Variants in MYO1D observed in about 807,000 individuals in gnomAD.
MYO1D encodes myosin ID, also known as unconventional myosin-Id.
A neutral mutation model predicts 122.0 loss-of-function variants in MYO1D; 83 were observed. That is an observed-to-expected ratio of 0.68 (90% CI 0.57 to 0.82). MYO1D has a LOEUF of 0.82. MYO1D is among the 40% of genes least tolerant of loss of function. The pLI is 0.00. For missense variants in MYO1D, 1,157 were observed against 1,269.5 expected (o/e 0.91, Z 1.35); for synonymous variants, 464 against 446.9 (o/e 1.04, Z -0.48).
At chr17:32,662,410 C>T (rs114626739) in intron 16 of MYO1D, among the ~76,000 whole-genome samples, 1,599 of 152,286 alleles carry the variant, frequency 0.011, 19 homozygotes, top group African/African-American at 0.036. Flanking sequence ...CGGTGGCTCA[C>T]GCCTGTAATC....
intron 10 of MYO1D, chr17:32,756,217 T>C (rs997451758): frequency 4.4e-6 from 1 of 227,722 alleles, no homozygotes; most frequent in East Asian, 6.3e-5. Context: ...CTTTAAATAC[T>C]GTTAATGTGT....
At chr17:32,742,898 G>GAT (rs1343148210) in intron 13 of MYO1D, among the ~76,000 whole-genome samples, 1 of 152,172 alleles carries the variant, frequency 6.6e-6, no homozygotes, top group Non-Finnish European at 1.5e-5. Context: ...ACATCAATGA[G>GAT]ATATTTGTCT....
intron 21 of MYO1D, among the ~76,000 whole-genome samples, chr17:32,540,755 G>A (rs529470798): frequency 1.3e-5 from 2 of 151,768 alleles, no homozygotes; most frequent in African/African-American, 2.4e-5. Flanking sequence ...GTGAAACCCC[G>A]TCTCTACTAA....
chr17:32,725,331 C>G (rs975575489), intron 14 of MYO1D, among the ~76,000 whole-genome samples: 4 of 151,908 alleles, frequency 2.6e-5, no homozygotes, highest in African/African-American at 9.7e-5. Flanking sequence ...CCAGCCTGGC[C>G]AACATGGTGA....
intron 20 of MYO1D, among the ~76,000 whole-genome samples, chr17:32,630,910 T>C (rs750919649): frequency 7.2e-5 from 11 of 152,156 alleles, no homozygotes; most frequent in Non-Finnish European, 1.0e-4. Flanking sequence ...CTCCTTGCCT[T>C]GTAGATGGCT....
At chr17:32,784,356 C>T (rs2090271002) in intron 1 of MYO1D, among the ~76,000 whole-genome samples, 1 of 152,174 alleles carries the variant, frequency 6.6e-6, no homozygotes, top group African/African-American at 2.4e-5. Flanking sequence ...ATTCCCTCTC[C>T]TTCTCCAAAA....
At chr17:32,554,184 A>AGTCCCT (rs71276420) in intron 21 of MYO1D, among the ~76,000 whole-genome samples, 2,805 of 152,210 alleles carry the variant, frequency 0.018, 37 homozygotes, top group East Asian at 0.035. Flanking sequence ...CTGAGCTGAG[A>AGTCCCT]GTCCCTGCCC....
At chr17:32,629,002 A>ACT (rs2087965747) in intron 20 of MYO1D, among the ~76,000 whole-genome samples, 1 of 152,248 alleles carries the variant, frequency 6.6e-6, no homozygotes, top group Non-Finnish European at 1.5e-5. Flanking sequence ...GGAGAAACAA[A>ACT]TTACGGCACC....
chr17:32,687,006 C>CACACACACACACA, intron 16 of MYO1D, among the ~76,000 whole-genome samples: 1 of 141,768 alleles, frequency 7.1e-6, no homozygotes, highest in African/African-American at 2.6e-5. Context: ...CACACACACA[C>CACACACACACACA]CAAAAAACAA....
At chr17:32,551,790 G>A (rs996141167) in intron 21 of MYO1D, among the ~76,000 whole-genome samples, 2 of 152,266 alleles carry the variant, frequency 1.3e-5, no homozygotes, top group Middle Eastern at 3.4e-3. Flanking sequence ...CAGGAACACC[G>A]TCTATATCTT....
rs761527400 is a variant in MYO1D, at chr17:32,494,712, C to T, written c.*47G>A. On this transcript the variant is annotated 3_prime_UTR_variant, in exon 22 of 22. Coordinates refer to ENST00000318217, the MANE Select transcript of MYO1D (RefSeq NM_015194.3). The stretch of plus-strand genomic sequence containing the variant: ...GGGAGGCAGCAGCTGGACTGGGACC[C>T]AGGACTCGGAGTGTGGCCGGGCTCC... The T allele has an allele frequency of 8.5e-6, 13 of 1,532,534 alleles. No homozygotes were observed. Among genetic ancestry groups the T allele is most frequent in the Non-Finnish European group, 1.1e-5 (13 of 1,141,018 alleles). The allele number at this position is 1,532,534 out of a possible 1,614,324, so 94.9% of individuals were successfully genotyped here.
At chr17:32,522,777 C>A (rs1240422266) in intron 21 of MYO1D, among the ~76,000 whole-genome samples, 5 of 150,638 alleles carry the variant, frequency 3.3e-5, no homozygotes, top group African/African-American at 1.2e-4. Context: ...TTAGGAGCAT[C>A]ATGTGGCTGT....
intron 21 of MYO1D, among the ~76,000 whole-genome samples, chr17:32,567,626 T>A (rs1264304167): frequency 6.6e-6 from 1 of 152,246 alleles, no homozygotes; most frequent in East Asian, 1.9e-4. Flanking sequence ...TTCTCAAGCA[T>A]GAACATGCTA....
At chr17:32,642,180 A>G (rs1267563474) in intron 19 of MYO1D, among the ~76,000 whole-genome samples, 1 of 152,218 alleles carries the variant, frequency 6.6e-6, no homozygotes, top group African/African-American at 2.4e-5. Context: ...CCATTTGTTG[A>G]ACAGGGAATC....
intron 16 of MYO1D, among the ~76,000 whole-genome samples, chr17:32,671,559 T>C (rs536089660): frequency 6.6e-6 from 1 of 152,352 alleles, no homozygotes; most frequent in Admixed American, 6.5e-5. Flanking sequence ...GGAGAACAAC[T>C]GCACAATGTA....
Position 32,641,296 on chromosome 17 carries a change from T to C in MYO1D, c.2596-2461A>G, listed in dbSNP as rs1046587840. Reference sequence around the variant, plus strand: ...TTTTTTATGGCTGCATAGTATTCCATGGTGTATATGTGCCACATTTTCTTA... The same window carrying C: ...TTTTTTATGGCTGCATAGTATTCCACGGTGTATATGTGCCACATTTTCTTA... On this transcript the variant is annotated intron_variant, in intron 19 of 21. Transcript: ENST00000318217. Among the ~76,000 whole-genome samples the C allele has an allele frequency of 2.0e-4, 30 of 151,976 alleles. No homozygotes were observed. In the East Asian group the frequency reaches 5.6e-3, roughly 28 times the overall value.
rs563576810 is a variant in MYO1D at position 32,648,738 on chromosome 17, T to C, written c.2595+5105A>G. 3.9e-4 allele frequency among the ~76,000 whole-genome samples: 60 copies of C among 152,354 alleles called. 1 individual carries two copies. Among genetic ancestry groups the C allele is most frequent in the African/African-American group, 1.4e-3 (60 of 41,584 alleles). Reference sequence around the variant, plus strand: ...TCCACATGCTAAGAAGCCATAATCTTTGCCTTTTAATTGCGGTGTGTTTAG... The same window carrying C: ...TCCACATGCTAAGAAGCCATAATCTCTGCCTTTTAATTGCGGTGTGTTTAG... On this transcript the variant is annotated intron_variant, in intron 19 of 21. Transcript: ENST00000318217.
chr17:32,768,205 G>C (rs972968796), intron 6 of MYO1D, among the ~76,000 whole-genome samples: 2 of 152,164 alleles, frequency 1.3e-5, no homozygotes, highest in African/African-American at 4.8e-5. Context: ...ATAATCAGGC[G>C]GTTTATTTTC....
chr17:32,591,662 A>G (rs1341651104), intron 21 of MYO1D, among the ~76,000 whole-genome samples: 1 of 144,250 alleles, frequency 6.9e-6, no homozygotes, highest in African/African-American at 2.6e-5. Context: ...TGGTGATTTC[A>G]TCAAAAAAAA....
Sources: gnomAD v4.1 joint callset for allele counts (sites outside exome capture counted in the v4.1 genomes callset) on GRCh38, gnomAD v4.1.1 for gene constraint, MANE v1.5 for transcripts, NCBI Gene and HGNC (gene_info 2026-07-23, HGNC 2026-07-21) for gene names.